ANKRD30B: variants seen among roughly 807,000 people sequenced by gnomAD.
The protein encoded by ANKRD30B is ankyrin repeat domain 30B, also known as ankyrin repeat domain-containing protein 30B.
In ANKRD30B, 144 loss-of-function variants were observed where a neutral mutation model predicts 202.2. That is an observed-to-expected ratio of 0.71 (90% CI 0.62 to 0.82). The LOEUF is 0.82. ANKRD30B is among the 40% of genes least tolerant of loss of function. The probability of loss-of-function intolerance (pLI) is 0.00; values close to 1 mark genes in which losing one functional copy is unlikely to be tolerated. For synonymous variants in ANKRD30B, 508 were observed against 561.3 expected (o/e 0.91, Z 1.34); for missense variants, 1,487 against 1,669.1 (o/e 0.89, Z 1.90).
the ANKRD30B span, among the ~76,000 whole-genome samples, chr18:14,907,713 C>A: frequency 6.6e-6 from 1 of 152,214 alleles, no homozygotes; most frequent in Non-Finnish European, 1.5e-5. Flanking sequence ...GACACTGCGT[C>A]CTGTCCACTG....
At chr18:14,787,604 A>G (rs1968169764) in intron 15 of ANKRD30B, among the ~76,000 whole-genome samples, 1 of 152,248 alleles carries the variant, frequency 6.6e-6, no homozygotes, top group Non-Finnish European at 1.5e-5. Flanking sequence ...AGGAGAAAGA[A>G]AAGCATGAGG....
Position 14,851,641 on chromosome 18 carries a change from G to A in ANKRD30B, c.3697G>A (p.Glu1233Lys). Residue 1233 changes from glutamate to lysine, a missense_variant, in exon 42 of 44, where the codon GAG becomes AAG. By Grantham distance (56) the Glu-to-Lys change is moderately conservative. Transcript: ENST00000690538. The part of the protein sequence containing the change: ...QHQVKENKYF[E>K]DIKILQEKNA... ...CCAGGTGAAGGAAAATAAATACTTT[G>A]AGGACATTAAGATTTTACAAGAAAA... 3 of 1,611,740 alleles carry A rather than the reference G, an allele frequency of 1.9e-6. No individual in the cohort carries two copies. Among genetic ancestry groups the A allele is most frequent in the Non-Finnish European group, 2.5e-6 (3 of 1,178,936 alleles).
rs745830785 is a variant in ANKRD30B, at chr18:14,808,425, A to T, written c.2285-126A>T. 2.8e-5 allele frequency: 30 copies of T among 1,054,586 alleles called. 1 individual carries two copies. Among genetic ancestry groups the T allele is most frequent in the Non-Finnish European group, 5.8e-6 (4 of 689,928 alleles). 65.3% of individuals were successfully genotyped at this position (1,054,586 alleles called of 1,614,324 possible). A position where few individuals can be genotyped will look rare whatever the true frequency, so the allele number is the denominator to read the frequency against. Reference sequence around the variant, plus strand: ...CAAATACAAAAACCCAAAAGACCCCAAAACCTAGTGTAATCCCTTTTCAAT... The same window carrying T: ...CAAATACAAAAACCCAAAAGACCCCTAAACCTAGTGTAATCCCTTTTCAAT... On this transcript the variant is annotated intron_variant, in intron 24 of 43. Transcript: ENST00000690538.
At chr18:14,914,402 A>G in the ANKRD30B span, among the ~76,000 whole-genome samples, 2 of 152,114 alleles carry the variant, frequency 1.3e-5, no homozygotes, top group Non-Finnish European at 2.9e-5. Context: ...TTTAACTGTT[A>G]TTGAGCTTTA....
chr18:14,791,321 G>A, intron 15 of ANKRD30B, 80 bp from the exon 16 acceptor site: 1 of 1,204,482 alleles, frequency 8.3e-7, no homozygotes, highest in Admixed American at 2.3e-5. Context: ...TTTTAAAAAA[G>A]ATTCTAGTTA....
Position 14,763,882 on chromosome 18 carries a change from T to G in ANKRD30B, c.1017T>G (p.Ile339Met). The G allele has an allele frequency of 1.2e-6, 2 of 1,612,618 alleles. No individual in the cohort carries two copies. The highest frequency in any genetic ancestry group is 1.3e-5 in the African/African-American group (1 of 74,940). ...CAACAGAAGAAACACCTAGGAAAAT[T>G]TTGAGGCCTACAAAAGAAACATCTG... ...EQSTEETPRK[I>M]LRPTKETSEK... Residue 339 changes from isoleucine to methionine, a missense_variant, in exon 7 of 44, where the codon ATT (isoleucine) becomes ATG (methionine). Physicochemically the swap from Ile to Met is conservative, Grantham distance 10. Around this residue, in one of 6 missense-constraint regions of ANKRD30B, gnomAD observed 889 missense variants for 841.4 expected, o/e 1.06. Transcript: ENST00000690538.
intron 18 of ANKRD30B, 27 bp downstream of exon 18, chr18:14,796,442 C>T: frequency 6.5e-7 from 1 of 1,532,686 alleles, no homozygotes; most frequent in Non-Finnish European, 8.8e-7. Flanking sequence ...AACTTTTAAT[C>T]TGTAATTAAG....
At chr18:14,821,634 T>A (rs1238722812) in intron 30 of ANKRD30B, among the ~76,000 whole-genome samples, 3 of 152,104 alleles carry the variant, frequency 2.0e-5, no homozygotes, top group Non-Finnish European at 4.4e-5. Flanking sequence ...ATTTTTGTAT[T>A]TTTTGTGGAG....
chr18:14,843,551 T>TTGTGTGTG (rs1285193924), intron 39 of ANKRD30B, among the ~76,000 whole-genome samples: 4 of 47,550 alleles, frequency 8.4e-5, no homozygotes, highest in Admixed American at 2.6e-4. Context: ...TTAGCTTACT[T>TTGTGTGTG]TCTGTGTGTG....
At chr18:14,862,382 A>G in the ANKRD30B span, among the ~76,000 whole-genome samples, 1 of 152,130 alleles carries the variant, frequency 6.6e-6, no homozygotes, top group Non-Finnish European at 1.5e-5. Flanking sequence ...TGCTAGTTAG[A>G]TTATACAAGA....
intron 7 of ANKRD30B, 110 bp from the exon 8 acceptor site, chr18:14,769,233 A>G: frequency 1.2e-6 from 1 of 807,784 alleles, no homozygotes; most frequent in Non-Finnish European, 1.9e-6. Context: ...CACCTTCCCA[A>G]GTAGCTGGGA....
At chr18:14,799,818 C>T (rs1463788294) in intron 22 of ANKRD30B, among the ~76,000 whole-genome samples, 4 of 152,080 alleles carry the variant, frequency 2.6e-5, no homozygotes, top group East Asian at 1.9e-4. Context: ...TACACTGTTT[C>T]AGAAGTGTGA....
chr18:14,821,494 G>A (rs1355347546), intron 30 of ANKRD30B, among the ~76,000 whole-genome samples: 1 of 152,144 alleles, frequency 6.6e-6, no homozygotes, highest in Non-Finnish European at 1.5e-5. Flanking sequence ...GTCTCACTCT[G>A]TCATCCAGGC....
intron 6 of ANKRD30B, among the ~76,000 whole-genome samples, chr18:14,761,429 A>C (rs1465641693): frequency 6.6e-6 from 1 of 150,450 alleles, no homozygotes; most frequent in East Asian, 2.0e-4. Flanking sequence ...TGGTCACCCC[A>C]CCCCAGGAGA....
chr18:14,864,294 C>T, the ANKRD30B span, among the ~76,000 whole-genome samples: 3 of 152,020 alleles, frequency 2.0e-5, no homozygotes, highest in Non-Finnish European at 4.4e-5. Context: ...AAGATCACAC[C>T]ACTGCACTCC....
the ANKRD30B span, among the ~76,000 whole-genome samples, chr18:14,880,421 C>T: frequency 3.3e-5 from 5 of 150,648 alleles, no homozygotes; most frequent in Admixed American, 6.6e-5. Context: ...TGAAGAATGA[C>T]GGTGGTATTC....
chr18:14,832,273 A>T (rs1166133672), intron 34 of ANKRD30B, among the ~76,000 whole-genome samples: 3 of 152,140 alleles, frequency 2.0e-5, no homozygotes, highest in Admixed American at 6.5e-5. Flanking sequence ...GCATGTGAGG[A>T]TGTTTTCTAA....
At chr18:14,772,099 A>C in intron 8 of ANKRD30B, 57 bp from the exon 9 acceptor site, 1 of 1,170,036 alleles carries the variant, frequency 8.5e-7, no homozygotes, top group South Asian at 2.0e-5. Context: ...GAACTAGCAG[A>C]TTTTCTTTTT....
In ANKRD30B at chr18:14,784,219, A is replaced by G. The variant is rs138530619; in HGVS notation, c.1571-117A>G. The G allele has an allele frequency of 6.4e-4, 676 of 1,048,168 alleles. 3 individuals carry two copies. In the African/African-American group the frequency reaches 9.9e-3, roughly 15 times the overall value. 64.9% of individuals were successfully genotyped at this position (1,048,168 alleles called of 1,614,324 possible). ...AACCAAAAGAAAACTTCCCAAATCT[A>G]AACTATTCATTCTCAAAGTCAACCA... On this transcript the variant is annotated intron_variant, in intron 12 of 43. Transcript: ENST00000690538.
Sources: allele counts gnomAD v4.1 joint callset (sites outside exome capture counted in the v4.1 genomes callset), GRCh38; gene constraint gnomAD v4.1.1; regional missense constraint gnomAD v4.1.1; transcripts MANE v1.5; gene names NCBI Gene and HGNC (gene_info 2026-07-23, HGNC 2026-07-21).